Variants in CADPS observed in about 807,000 individuals in gnomAD.
CADPS encodes calcium-dependent secretion activator 1.
CADPS carries 57 observed loss-of-function variants against 167.3 expected under a neutral mutation model. The ratio of observed to expected loss-of-function variants is 0.34; its 90% CI spans 0.28 to 0.42. The LOEUF (loss-of-function observed/expected upper bound fraction) is 0.42. CADPS is among the 20% of genes least tolerant of loss of function. CADPS has a pLI of 1.00. For synonymous variants in CADPS, 676 were observed against 635.3 expected, an observed-to-expected ratio of 1.06 and a Z score of -0.96; for missense variants, 1,414 against 1,738.1, an observed-to-expected ratio of 0.81 and a Z score of 3.32.
rs540980389 is a variant in CADPS, at chr3:62,775,793, AC to A, written c.442-9810del. Among the ~76,000 whole-genome samples the A allele has an allele frequency of 1.8e-3, 278 of 152,256 alleles. 1 individual carries two copies. The highest frequency in any genetic ancestry group is 3.4e-3 in the Admixed American group (52 of 15,284). On this transcript the variant is annotated intron_variant, in intron 1 of 29. Transcript: ENST00000383710. ...CTGCCTGAGTGCTTTATGCATAGTT[AC>A]CATTTCACTGTATAGAATATTAAAA...
At chr3:62,718,404 A>T (rs956696962) in intron 3 of CADPS, among the ~76,000 whole-genome samples, 3 of 152,208 alleles carry the variant, frequency 2.0e-5, no homozygotes, top group Admixed American at 6.5e-5. Context: ...ACCTGTAAAG[A>T]GTTTCTAGAC....
chr3:62,560,199 T>C (rs1435253009), intron 9 of CADPS, among the ~76,000 whole-genome samples: 1 of 152,206 alleles, frequency 6.6e-6, no homozygotes, highest in African/African-American at 2.4e-5. Flanking sequence ...CTTTGAATGA[T>C]TCTAATTATT....
chr3:62,791,471 T>C (rs185465556), intron 1 of CADPS, among the ~76,000 whole-genome samples: 70 of 152,330 alleles, frequency 4.6e-4, no homozygotes, highest in African/African-American at 1.7e-3. Flanking sequence ...TTGTTAGAAA[T>C]GCAGAATCTC....
intron 6 of CADPS, chr3:62,625,381 TCACACACACACACA>T (rs10575126): frequency 6.8e-5 from 10 of 146,794 alleles, no homozygotes; most frequent in African/African-American, 2.6e-4. Flanking sequence ...TAAAAGTTTT[TCACACACACACACA>T]CACACACACA....
intron 1 of CADPS, among the ~76,000 whole-genome samples, chr3:62,802,011 C>G (rs150150697): frequency 6.6e-6 from 1 of 152,064 alleles, no homozygotes; most frequent in South Asian, 2.1e-4. Flanking sequence ...GGTTTCTATC[C>G]AGTGAAGTCT....
chr3:62,720,113 ACAGTACAATGTAGCTTACCCTGACT>A (rs899179156), intron 3 of CADPS, among the ~76,000 whole-genome samples: 7 of 152,238 alleles, frequency 4.6e-5, no homozygotes, highest in African/African-American at 1.4e-4. Flanking sequence ...AACTGTAACC[ACAGTACAATGTAGCTTACCCTGACT>A]CATGGAAGAG....
intron 8 of CADPS, among the ~76,000 whole-genome samples, chr3:62,578,094 T>C (rs1208763180): frequency 6.6e-6 from 1 of 151,524 alleles, no homozygotes; most frequent in Non-Finnish European, 1.5e-5. Context: ...AAGTTAGACC[T>C]CACTCTATGC....
intron 3 of CADPS, among the ~76,000 whole-genome samples, chr3:62,732,013 T>C (rs1255078910): frequency 6.6e-6 from 1 of 151,962 alleles, no homozygotes; most frequent in Non-Finnish European, 1.5e-5. Flanking sequence ...AAGAACAATC[T>C]AGAAAGAGCA....
chr3:62,721,156 G>T (rs374254199), intron 3 of CADPS, among the ~76,000 whole-genome samples: 1 of 117,294 alleles, frequency 8.5e-6, no homozygotes, highest in Admixed American at 8.3e-5. Context: ...GAAGAAAAAA[G>T]AAAAAGTAAA....
chr3:62,662,244 C>T, intron 4 of CADPS, 70 bp downstream of exon 4: 2 of 1,267,308 alleles, frequency 1.6e-6, no homozygotes, highest in Non-Finnish European at 2.3e-6. Context: ...TAGAGGCTGT[C>T]AATAATCAAT....
At chr3:62,504,655 C>T (rs1448029491) in intron 17 of CADPS, among the ~76,000 whole-genome samples, 2 of 152,186 alleles carry the variant, frequency 1.3e-5, no homozygotes, top group African/African-American at 4.8e-5. Flanking sequence ...GAAAAACAAG[C>T]TCCCTATTTT....
intron 12 of CADPS, 69 bp from the exon 13 acceptor site, chr3:62,533,127 G>A: frequency 7.1e-7 from 1 of 1,402,258 alleles, no homozygotes; most frequent in African/African-American, 1.4e-5. Flanking sequence ...GCTAGAGTTG[G>A]GAGTGGCTAG....
chr3:62,645,875 T>C (rs201468925), intron 5 of CADPS, 32 bp from the exon 6 acceptor site: 110 of 1,613,196 alleles, frequency 6.8e-5, no homozygotes, highest in Non-Finnish European at 8.6e-5. Context: ...ATGGAGGTTA[T>C]TGGCAAGGCC....
intron 26 of CADPS, among the ~76,000 whole-genome samples, chr3:62,456,849 T>A (rs2058744039): frequency 6.6e-6 from 1 of 151,956 alleles, no homozygotes; most frequent in East Asian, 1.9e-4. Flanking sequence ...GCTCCTGCTG[T>A]GGTCAGTTTT....
intron 1 of CADPS, among the ~76,000 whole-genome samples, chr3:62,845,494 G>A (rs1342404852): frequency 6.6e-6 from 1 of 152,122 alleles, no homozygotes; most frequent in Admixed American, 6.6e-5. Context: ...AAAGTTATGA[G>A]GCCCACAGCA....
chr3:62,803,406 T>G (rs1323069641), intron 1 of CADPS, among the ~76,000 whole-genome samples: 1 of 151,632 alleles, frequency 6.6e-6, no homozygotes, highest in African/African-American at 2.4e-5. Flanking sequence ...TCCTCAGGGC[T>G]ATTTGGAAAA....
chr3:62,600,239 C>G (rs114099836), intron 6 of CADPS, among the ~76,000 whole-genome samples: 2 of 151,400 alleles, frequency 1.3e-5, no homozygotes, highest in African/African-American at 4.9e-5. Context: ...TGCAACAGCT[C>G]TCTTGGGAGC....
rs1332141009 is a variant in CADPS at position 62,622,403 on chromosome 3, G to GAA, written c.1325+23317_1325+23318dup. ...GCCTTTTAGTTTTTTCCGGGCCACT[G>GAA]AAACTTCTTCCTAAAGCTGAACAAT... On this transcript the variant is annotated intron_variant, in intron 6 of 29. Coordinates refer to ENST00000383710, the MANE Select transcript of CADPS (RefSeq NM_003716.4). Among the ~76,000 whole-genome samples the GAA allele has an allele frequency of 3.3e-5, 5 of 152,202 alleles. No individual in the cohort carries two copies. In the East Asian group the frequency reaches 9.7e-4, roughly 29 times the overall value.
intron 8 of CADPS, among the ~76,000 whole-genome samples, chr3:62,578,375 C>CT (rs1186820998): frequency 6.6e-6 from 1 of 151,798 alleles, no homozygotes; most frequent in African/African-American, 2.4e-5. Flanking sequence ...CTTTGGGAGG[C>CT]TGAGGCAGGC....
Sources: gnomAD v4.1 joint callset for allele counts (sites outside exome capture counted in the v4.1 genomes callset) on GRCh38, gnomAD v4.1.1 for gene constraint, MANE v1.5 for transcripts, NCBI Gene and HGNC (gene_info 2026-07-23, HGNC 2026-07-21) for gene names.